The following NALF1 variants were observed in gnomAD, a reference collection of about 807,000 sequenced individuals.
NALF1 encodes the protein NALCN channel auxiliary factor 1.
In NALF1, 3 loss-of-function variants were observed where a neutral mutation model predicts 48.4. The ratio of observed to expected loss-of-function variants is 0.06; its 90% CI spans 0.03 to 0.16. The LOEUF (loss-of-function observed/expected upper bound fraction) is 0.16, where lower values mean the gene tolerates loss of function less well. NALF1 is among the 10% of genes least tolerant of loss of function. The pLI is 1.00. For synonymous variants in NALF1, 262 were observed against 245.7 expected (o/e 1.07, Z -0.62); for missense variants, 526 against 571.5 (o/e 0.92, Z 0.81).
In NALF1 at chr13:107,460,006, T is replaced by A. The variant is rs1168315782; in HGVS notation, c.916-249251A>T. Among the ~76,000 whole-genome samples the A allele has an allele frequency of 2.0e-5, 3 of 152,298 alleles. No individual in the cohort carries two copies. In the South Asian group the frequency reaches 6.2e-4, roughly 32 times the overall value. Reference sequence around the variant, plus strand: ...AGACGCCATCCTTGGCCTTCCGAAGTGCTGGGATTATAGGCATGAGCCACC... The same window carrying A: ...AGACGCCATCCTTGGCCTTCCGAAGAGCTGGGATTATAGGCATGAGCCACC... On this transcript the variant is annotated intron_variant, in intron 1 of 2. Transcript: ENST00000375915.
At chr13:107,396,734 G>A (rs962732773) in intron 1 of NALF1, among the ~76,000 whole-genome samples, 48 of 152,166 alleles carry the variant, frequency 3.2e-4, no homozygotes, top group Non-Finnish European at 8.8e-5. Flanking sequence ...AGCTTATCAG[G>A]AGAATAAGCA....
At chr13:107,297,162 T>C (rs2061609687) in intron 1 of NALF1, among the ~76,000 whole-genome samples, 3 of 152,142 alleles carry the variant, frequency 2.0e-5, no homozygotes, top group Admixed American at 6.5e-5. Flanking sequence ...TACAATATTC[T>C]TCTGGGCTTC....
At chr13:107,600,083 C>T (rs1192616116) in intron 1 of NALF1, among the ~76,000 whole-genome samples, 1 of 152,096 alleles carries the variant, frequency 6.6e-6, no homozygotes, top group Non-Finnish European at 1.5e-5. Flanking sequence ...AAATAAAATT[C>T]TCATTTTTGG....
intron 1 of NALF1, among the ~76,000 whole-genome samples, chr13:107,379,212 C>T (rs1294135905): frequency 1.3e-5 from 2 of 152,102 alleles, no homozygotes; most frequent in African/African-American, 4.8e-5. Context: ...ACTTTATGTT[C>T]TGTTGAGTGA....
chr13:107,607,378 GAGAA>G (rs1428661633), intron 1 of NALF1, among the ~76,000 whole-genome samples: 2 of 152,080 alleles, frequency 1.3e-5, no homozygotes, highest in Non-Finnish European at 2.9e-5. Context: ...GGATAATGCA[GAGAA>G]AGAAGGAAGA....
chr13:107,601,617 T>C (rs1335660322), intron 1 of NALF1, among the ~76,000 whole-genome samples: 1 of 152,174 alleles, frequency 6.6e-6, no homozygotes, highest in Non-Finnish European at 1.5e-5. Flanking sequence ...AATATCCTAA[T>C]AAAGCCAATG....
intron 1 of NALF1, among the ~76,000 whole-genome samples, chr13:107,225,387 C>T (rs1016337690): frequency 2.6e-5 from 4 of 152,156 alleles, no homozygotes; most frequent in Admixed American, 6.5e-5. Flanking sequence ...CAAGATCTTT[C>T]TGCCTCAGCC....
chr13:107,361,345 A>C (rs1466846594), intron 1 of NALF1, among the ~76,000 whole-genome samples: 1 of 152,184 alleles, frequency 6.6e-6, no homozygotes, highest in African/African-American at 2.4e-5. Flanking sequence ...GGCTCAGGAA[A>C]TAGTAAGTAA....
intron 1 of NALF1, among the ~76,000 whole-genome samples, chr13:107,821,065 A>G (rs1879346633): frequency 6.6e-6 from 1 of 152,218 alleles, no homozygotes; most frequent in African/African-American, 2.4e-5. Flanking sequence ...GCCCTTCAGG[A>G]AAAATTGGTC....
rs761234472 is a variant in NALF1 at position 107,726,620 on chromosome 13, TTTTTTTC to T, written c.915+139055_915+139061del. 6.5e-3 allele frequency among the ~76,000 whole-genome samples: 284 copies of T among 43,460 alleles called. 1 individual carries two copies. The highest frequency in any genetic ancestry group is 0.012 in the Non-Finnish European group (214 of 17,612). 28.5% of individuals were successfully genotyped at this position (43,460 alleles called of 152,430 possible). ...TGTAAAGGCAAATTCTTTTTTTTTT[TTTTTTTC>T]CAGATGGAGTCTCACTCTGTTGCCC... On this transcript the variant is annotated intron_variant, in intron 1 of 2. Transcript: ENST00000375915.
At chr13:107,511,422 G>A (rs986735005) in intron 1 of NALF1, among the ~76,000 whole-genome samples, 3 of 152,110 alleles carry the variant, frequency 2.0e-5, no homozygotes, top group African/African-American at 7.2e-5. Flanking sequence ...AATCTATAGA[G>A]GAGGAGAAAA....
rs1880506061 is a variant in NALF1, at chr13:107,242,943, T to C, written c.916-32188A>G. On this transcript the variant is annotated intron_variant, in intron 1 of 2. Transcript: ENST00000375915. ...TTTAGGAAGTCTCCAAGGTGTCTCT[T>C]CCCTTTACCACCATGACAGTTTTAG... Among the ~76,000 whole-genome samples the C allele has an allele frequency of 3.3e-5, 5 of 152,046 alleles. No homozygotes were observed. The South Asian group carries it at 1.0e-3, about 32-fold the overall frequency.
chr13:107,491,743 T>C (rs1283437947), intron 1 of NALF1, among the ~76,000 whole-genome samples: 1 of 152,152 alleles, frequency 6.6e-6, no homozygotes, highest in South Asian at 2.1e-4. Flanking sequence ...CTCTCGCTCT[T>C]TGCAACATTC....
At chr13:107,420,228 C>T (rs1404791033) in intron 1 of NALF1, among the ~76,000 whole-genome samples, 1 of 152,040 alleles carries the variant, frequency 6.6e-6, no homozygotes, top group Non-Finnish European at 1.5e-5. Flanking sequence ...AGATATTTTG[C>T]TAATTTTGAA....
intron 1 of NALF1, among the ~76,000 whole-genome samples, chr13:107,512,925 C>T (rs1875943201): frequency 6.6e-6 from 1 of 152,204 alleles, no homozygotes; most frequent in African/African-American, 2.4e-5. Context: ...CGCCTCTTAC[C>T]TCAATACCCC....
intron 1 of NALF1, among the ~76,000 whole-genome samples, chr13:107,288,767 T>C (rs9520364): frequency 0.9 from 136,150 of 151,706 alleles, 61,472 homozygotes; most frequent in East Asian, 0.96. Context: ...TCCTGACCTA[T>C]GGTGATCCAC....
intron 1 of NALF1, among the ~76,000 whole-genome samples, chr13:107,571,341 G>A (rs7325754): frequency 0.093 from 14,137 of 152,162 alleles, 951 homozygotes; most frequent in Admixed American, 0.18. Context: ...GACCTCTGGG[G>A]AGAGGAGAGG....
At chr13:107,237,089 GTTTTT>G (rs61150648) in intron 1 of NALF1, among the ~76,000 whole-genome samples, 24 of 145,234 alleles carry the variant, frequency 1.7e-4, no homozygotes, top group South Asian at 2.2e-4. Context: ...ACTGTATGTG[GTTTTT>G]TTTTTTTTTT....
At chr13:107,492,880 CA>C (rs1282594286) in intron 1 of NALF1, among the ~76,000 whole-genome samples, 1 of 151,642 alleles carries the variant, frequency 6.6e-6, no homozygotes, top group Admixed American at 6.6e-5. Context: ...CATCTGTGAC[CA>C]AAAAAACACA....
Sources: allele counts gnomAD v4.1 joint callset (sites outside exome capture counted in the v4.1 genomes callset), GRCh38; gene constraint gnomAD v4.1.1; transcripts MANE v1.5; gene names NCBI Gene and HGNC (gene_info 2026-07-23, HGNC 2026-07-21).